Variants in RBFOX1 observed in about 807,000 individuals in gnomAD.
The protein encoded by RBFOX1 is RNA binding protein fox-1 homolog 1.
A neutral mutation model predicts 57.7 loss-of-function variants in RBFOX1; 8 were observed. That is an observed-to-expected ratio of 0.14 (90% CI 0.08 to 0.25). The LOEUF (loss-of-function observed/expected upper bound fraction) is 0.25. Among genes scored for constraint, RBFOX1 ranks in the 10% least tolerant of loss-of-function variants. The pLI is 1.00. For synonymous variants in RBFOX1, 326 were observed against 222.4 expected, an observed-to-expected ratio of 1.47 and a Z score of -4.15; for missense variants, 611 against 548.5, an observed-to-expected ratio of 1.11 and a Z score of -1.14.
chr16:6,248,016 A>G (rs1385564955), intron 1 of RBFOX1, among the ~76,000 whole-genome samples: 1 of 152,176 alleles, frequency 6.6e-6, no homozygotes, highest in Non-Finnish European at 1.5e-5. Flanking sequence ...AGTGAGCTTT[A>G]TCATCAATCC....
At chr16:5,266,255 T>C (rs1004371457) in intron 1 of RBFOX1, among the ~76,000 whole-genome samples, 1 of 152,132 alleles carries the variant, frequency 6.6e-6, no homozygotes, top group Non-Finnish European at 1.5e-5. Flanking sequence ...TCCCTGTGCA[T>C]TTTAGAATGT....
chr16:6,055,642 C>A (rs1415496277), intron 1 of RBFOX1, among the ~76,000 whole-genome samples: 1 of 149,864 alleles, frequency 6.7e-6, no homozygotes, highest in South Asian at 2.1e-4. Flanking sequence ...GGCACAGTTC[C>A]TACTCTCATG....
chr16:7,044,890 T>A (rs1462481099), intron 3 of RBFOX1, among the ~76,000 whole-genome samples: 1 of 152,096 alleles, frequency 6.6e-6, no homozygotes, highest in Non-Finnish European at 1.5e-5. Flanking sequence ...CCATAATGGT[T>A]ATGGAGAAAA....
intron 2 of RBFOX1, among the ~76,000 whole-genome samples, chr16:6,641,313 A>T (rs1194829587): frequency 6.6e-6 from 1 of 152,146 alleles, no homozygotes; most frequent in Admixed American, 6.5e-5. Flanking sequence ...ACACGGTTCA[A>T]CCAAGGCGTT....
At chr16:6,990,011 A>C (rs2091150481) in intron 3 of RBFOX1, among the ~76,000 whole-genome samples, 1 of 152,100 alleles carries the variant, frequency 6.6e-6, no homozygotes, top group African/African-American at 2.4e-5. Context: ...CACACAAAAA[A>C]CTGAGAAAAT....
chr16:7,501,855 T>C (rs1267702328), intron 4 of RBFOX1, among the ~76,000 whole-genome samples: 2 of 152,204 alleles, frequency 1.3e-5, no homozygotes, highest in Admixed American at 6.5e-5. Context: ...TAGGCTATTC[T>C]ATGACTCCTG....
intron 4 of RBFOX1, among the ~76,000 whole-genome samples, chr16:7,456,184 G>A (rs776609218): frequency 1.3e-5 from 2 of 152,196 alleles, no homozygotes; most frequent in Admixed American, 6.5e-5. Context: ...GCTCTGTGGA[G>A]GGTTGATGTA....
rs1491491088 is a variant in RBFOX1, at chr16:6,431,892, G to GCTTTCTTT, written c.-64+114838_-64+114839insTCTTTCTT. Among the ~76,000 whole-genome samples the GCTTTCTTT allele has an allele frequency of 2.8e-3, 331 of 118,096 alleles. 2 individuals are homozygous for GCTTTCTTT. The highest frequency in any genetic ancestry group is 7.9e-3 in the South Asian group (26 of 3,274). The allele number at this position is 118,096 out of a possible 152,430, so 77.5% of individuals were successfully genotyped here. On this transcript the variant is annotated intron_variant, in intron 2 of 15. Coordinates refer to ENST00000550418, the MANE Select transcript of RBFOX1 (RefSeq NM_018723.4). ...AACATGTCCAGAAATATGCTTGCTT[G>GCTTTCTTT]CTTGCTTTCTTTCTTTCTTTCTTTC...
intron 3 of RBFOX1, among the ~76,000 whole-genome samples, chr16:6,802,585 G>C (rs895730079): frequency 6.6e-6 from 1 of 152,172 alleles, no homozygotes; most frequent in African/African-American, 2.4e-5. Context: ...GGTGAGGCAG[G>C]AGAATCGCTT....
At chr16:7,197,886 G>C (rs1451673718) in intron 4 of RBFOX1, among the ~76,000 whole-genome samples, 1 of 151,652 alleles carries the variant, frequency 6.6e-6, no homozygotes, top group Non-Finnish European at 1.5e-5. Context: ...ACAGAAAACA[G>C]AATGGGGGTT....
intron 4 of RBFOX1, among the ~76,000 whole-genome samples, chr16:7,147,385 T>G (rs2075235995): frequency 6.6e-6 from 1 of 151,910 alleles, no homozygotes; most frequent in African/African-American, 2.4e-5. Context: ...AACTGCATGT[T>G]CCTGAAGTTT....
chr16:6,977,161 T>C (rs9937701), intron 3 of RBFOX1, among the ~76,000 whole-genome samples: 1 of 146,250 alleles, frequency 6.8e-6, no homozygotes, highest in Non-Finnish European at 1.5e-5. Context: ...ATATATATCA[T>C]ATATTATCAT....
At chr16:7,518,830 C>T (rs2076945386) in intron 5 of RBFOX1, among the ~76,000 whole-genome samples, 1 of 152,078 alleles carries the variant, frequency 6.6e-6, no homozygotes, top group Non-Finnish European at 1.5e-5. Flanking sequence ...CGAGAATAGC[C>T]TGGGCAACAA....
At chr16:5,726,612 C>T (rs2052161748) in intron 3 of RBFOX1, among the ~76,000 whole-genome samples, 1 of 152,182 alleles carries the variant, frequency 6.6e-6, no homozygotes, top group Non-Finnish European at 1.5e-5. Context: ...CTTCTCACCT[C>T]CCTTGCTGCT....
In RBFOX1 at chr16:6,892,393, G is replaced by T. The variant is rs550035788; in HGVS notation, c.-15-159664G>T. Among the ~76,000 whole-genome samples, 19 of 152,276 alleles carry T rather than the reference G, an allele frequency of 1.2e-4. No homozygotes were observed. In the East Asian group the frequency reaches 3.7e-3, roughly 29 times the overall value. Reference sequence around the variant, plus strand: ...TTAAAATATCCAAAGTCTGAGACCAGGCATGGTGGCTCACACCTATAATTC... The same window carrying T: ...TTAAAATATCCAAAGTCTGAGACCATGCATGGTGGCTCACACCTATAATTC... On this transcript the variant is annotated intron_variant, in intron 3 of 15. Transcript: ENST00000550418.
At chr16:6,502,830 G>A (rs555566785) in intron 2 of RBFOX1, among the ~76,000 whole-genome samples, 18 of 152,134 alleles carry the variant, frequency 1.2e-4, no homozygotes, top group Non-Finnish European at 1.9e-4. Flanking sequence ...TTCTATTCTC[G>A]CTGGTTCTGG....
chr16:6,215,100 G>C (rs62652913), intron 1 of RBFOX1, among the ~76,000 whole-genome samples: 4,722 of 131,794 alleles, frequency 0.036, 126 homozygotes, highest in Middle Eastern at 0.15. Context: ...AGAGGAGAAG[G>C]AGAGGGAGAG....
intron 4 of RBFOX1, among the ~76,000 whole-genome samples, chr16:7,298,160 G>A (rs7206303): frequency 0.28 from 41,710 of 151,652 alleles, 6,070 homozygotes; most frequent in African/African-American, 0.37. Context: ...TGCATGTCCT[G>A]TACCTTGTTT....
At chr16:5,772,481 C>A (rs1044883604) in intron 3 of RBFOX1, among the ~76,000 whole-genome samples, 4 of 152,330 alleles carry the variant, frequency 2.6e-5, no homozygotes, top group African/African-American at 4.8e-5. Context: ...ATTTCCCCAT[C>A]AGTGTAACTT....
Sources: allele counts gnomAD v4.1 joint callset (sites outside exome capture counted in the v4.1 genomes callset), GRCh38; gene constraint gnomAD v4.1.1; transcripts MANE v1.5; gene names NCBI Gene and HGNC (gene_info 2026-07-23, HGNC 2026-07-21).